Variants in CEP112 observed in about 807,000 individuals in gnomAD.
The protein encoded by CEP112 is centrosomal protein of 112 kDa.
Under a neutral mutation model 153.0 loss-of-function variants are expected in CEP112, and 127 were observed. The ratio of observed to expected loss-of-function variants is 0.83; its 90% CI spans 0.72 to 0.96. CEP112 has a LOEUF of 0.96. CEP112 is among the 40% of genes least tolerant of loss of function. The pLI, the probability that CEP112 is intolerant of heterozygous loss-of-function variation, is 0.00. For synonymous variants in CEP112, 358 were observed against 374.4 expected, an observed-to-expected ratio of 0.96 and a Z score of 0.51; for missense variants, 1,089 against 1,101.2, an observed-to-expected ratio of 0.99 and a Z score of 0.16.
chr17:66,133,363 G>A (rs1474584053), intron 4 of CEP112, among the ~76,000 whole-genome samples: 1 of 152,122 alleles, frequency 6.6e-6, no homozygotes, highest in Non-Finnish European at 1.5e-5. Flanking sequence ...TCAACATGAA[G>A]CCTTAAAATA....
intron 21 of CEP112, among the ~76,000 whole-genome samples, chr17:65,825,041 A>T (rs1231700873): frequency 2.0e-5 from 3 of 152,228 alleles, no homozygotes; most frequent in Non-Finnish European, 4.4e-5. Context: ...TCACAAAAAC[A>T]TTATTCATAA....
At chr17:65,637,355 T>G (rs180747647) in intron 25 of CEP112, among the ~76,000 whole-genome samples, 167 bp from the exon 26 acceptor site, 1 of 152,358 alleles carries the variant, frequency 6.6e-6, no homozygotes, top group Non-Finnish European at 1.5e-5. Flanking sequence ...CATCCCATCC[T>G]TATTGAAAAT....
chr17:66,188,079 C>T (rs2073004664), intron 1 of CEP112, among the ~76,000 whole-genome samples: 1 of 152,110 alleles, frequency 6.6e-6, no homozygotes, highest in Non-Finnish European at 1.5e-5. Context: ...GCGGCAGCCT[C>T]ATCATCTGTC....
chr17:66,088,521 G>A (rs2068023871), intron 8 of CEP112, among the ~76,000 whole-genome samples: 1 of 152,060 alleles, frequency 6.6e-6, no homozygotes, highest in Non-Finnish European at 1.5e-5. Flanking sequence ...CCCAATGTCA[G>A]GCCAGCCCAT....
chr17:65,921,594 TA>T (rs1234285751), intron 19 of CEP112, among the ~76,000 whole-genome samples: 1 of 152,138 alleles, frequency 6.6e-6, no homozygotes, highest in African/African-American at 2.4e-5. Context: ...CCTCTAGATA[TA>T]GAAAGAATAA....
chr17:65,978,451 T>A (rs1014438537), intron 17 of CEP112, among the ~76,000 whole-genome samples: 12 of 152,358 alleles, frequency 7.9e-5, no homozygotes, highest in African/African-American at 2.9e-4. Context: ...GTGCCAACTT[T>A]GCAATATTGG....
chr17:65,669,176 G>C (rs943671740), intron 24 of CEP112, among the ~76,000 whole-genome samples: 2 of 152,244 alleles, frequency 1.3e-5, no homozygotes, highest in Admixed American at 1.3e-4. Flanking sequence ...GTTTGACTTC[G>C]CCTGGTGTTA....
chr17:65,727,865 G>A (rs2050266919), intron 23 of CEP112, among the ~76,000 whole-genome samples: 2 of 152,212 alleles, frequency 1.3e-5, no homozygotes, highest in Non-Finnish European at 2.9e-5. Flanking sequence ...AAAAGAAAAG[G>A]AGAAGCAAAG....
rs144257730 is a variant in CEP112 at position 65,781,640 on chromosome 17, TG to T, written c.2395-30917del. ...TGTAGTAACCAAAACAGCATGGTAC[TG>T]GTACAAAAACAGACACATCGATTCA... On this transcript the variant is annotated intron_variant, in intron 21 of 26. Transcript: ENST00000535342. 8.2e-4 allele frequency among the ~76,000 whole-genome samples: 125 copies of T among 152,246 alleles called. 1 individual carries two copies. Among genetic ancestry groups the T allele is most frequent in the African/African-American group, 2.8e-3 (116 of 41,544 alleles).
chr17:65,954,825 T>G (rs1388171559), intron 18 of CEP112, among the ~76,000 whole-genome samples: 2 of 152,084 alleles, frequency 1.3e-5, no homozygotes, highest in African/African-American at 4.8e-5. Context: ...GAAAAAAGAT[T>G]TTTAAGAAAT....
intron 5 of CEP112, among the ~76,000 whole-genome samples, 167 bp downstream of exon 5, chr17:66,132,503 A>G (rs886270280): frequency 1.3e-5 from 2 of 152,196 alleles, no homozygotes; most frequent in African/African-American, 4.8e-5. Flanking sequence ...ATACTACACT[A>G]TATACCAAAC....
At position 66,080,849 on chromosome 17, in the gene CEP112, C is replaced by T. The variant is rs7213746; in HGVS notation, c.769-10848G>A. 4.3e-3 allele frequency among the ~76,000 whole-genome samples: 651 copies of T among 152,310 alleles called. 7 individuals are homozygous for T. Among genetic ancestry groups the T allele is most frequent in the African/African-American group, 0.015 (625 of 41,562 alleles). ...ATGCAGCCATAAAAAAGGATAAGTT[C>T]GTGTCCTTTGCAGGGACATGGATGA... On this transcript the variant is annotated intron_variant, in intron 8 of 26. Transcript: ENST00000535342.
intron 16 of CEP112, among the ~76,000 whole-genome samples, chr17:66,022,890 A>G (rs957848274): frequency 6.6e-6 from 1 of 152,058 alleles, no homozygotes; most frequent in African/African-American, 2.4e-5. Context: ...AATTTCTGGA[A>G]ATGAATAATT....
chr17:65,916,250 A>AGTGTGTGTGT (rs3222034), intron 19 of CEP112, among the ~76,000 whole-genome samples: 4,448 of 129,802 alleles, frequency 0.034, 112 homozygotes, highest in Admixed American at 0.063. Flanking sequence ...TTTGAAAAAG[A>AGTGTGTGTGT]GTGTGTGTGT....
At chr17:65,646,496 G>C (rs2045438879) in intron 24 of CEP112, among the ~76,000 whole-genome samples, 1 of 152,142 alleles carries the variant, frequency 6.6e-6, no homozygotes, top group African/African-American at 2.4e-5. Flanking sequence ...CTATTTATGA[G>C]GTTAATAAAA....
intron 11 of CEP112, among the ~76,000 whole-genome samples, chr17:66,058,724 C>A (rs1236292897): frequency 6.6e-6 from 1 of 151,906 alleles, no homozygotes; most frequent in Non-Finnish European, 1.5e-5. Flanking sequence ...TGGTAATGCA[C>A]ACCTGTAGTC....
chr17:65,714,820 A>G (rs1567904655), intron 23 of CEP112, among the ~76,000 whole-genome samples: 1 of 152,160 alleles, frequency 6.6e-6, no homozygotes, highest in Non-Finnish European at 1.5e-5. Context: ...AGTCTACCCT[A>G]GATGATGTTT....
At chr17:65,898,183 C>T (rs938887339) in intron 20 of CEP112, among the ~76,000 whole-genome samples, 29 of 152,024 alleles carry the variant, frequency 1.9e-4, no homozygotes, top group African/African-American at 7.0e-4. Flanking sequence ...AATGTTTTCA[C>T]TAGAAAAATG....
chr17:66,050,621 TA>T (rs1399248542), intron 12 of CEP112, among the ~76,000 whole-genome samples: 1 of 152,230 alleles, frequency 6.6e-6, no homozygotes, highest in Non-Finnish European at 1.5e-5. Flanking sequence ...AAGAAGAGTA[TA>T]AAAAAACCCC....
Sources: gnomAD v4.1 joint callset for allele counts (sites outside exome capture counted in the v4.1 genomes callset) on GRCh38, gnomAD v4.1.1 for gene constraint, MANE v1.5 for transcripts, NCBI Gene and HGNC (gene_info 2026-07-23, HGNC 2026-07-21) for gene names.